The following NEXMIF variants were observed in gnomAD, a reference collection of about 807,000 sequenced individuals.
NEXMIF encodes neurite extension and migration factor.
A neutral mutation model predicts 62.1 loss-of-function variants in NEXMIF; 8 were observed. The observed-to-expected ratio is 0.13, with a 90% CI of 0.08 to 0.23. The LOEUF (loss-of-function observed/expected upper bound fraction) is 0.23. NEXMIF is among the 10% of genes least tolerant of loss of function. NEXMIF has a pLI of 1.00. For synonymous variants in NEXMIF, 404 were observed against 416.6 expected (o/e 0.97, Z 0.37); for missense variants, 976 against 1,113.3 (o/e 0.88, Z 1.75).
At chrX:74,885,861 A>C (rs2080690485) in intron 1 of NEXMIF, among the ~76,000 whole-genome samples, 1 of 111,874 alleles carries the variant, frequency 8.9e-6, no homozygotes, top group African/African-American at 3.3e-5. Context: ...AGAATTTTAG[A>C]CCAATATCCT....
Position 74,850,781 on chromosome X carries a change from GA to G in NEXMIF, c.-48+74101del, listed in dbSNP as rs1402400056. 1.8e-3 allele frequency among the ~76,000 whole-genome samples: 195 copies of G among 110,916 alleles called. 1 individual carries two copies. The highest frequency in any genetic ancestry group is 6.2e-3 in the African/African-American group (190 of 30,522). On this transcript the variant is annotated intron_variant, in intron 1 of 3. Coordinates refer to ENST00000055682, the MANE Select transcript of NEXMIF (RefSeq NM_001008537.3). ...AAGCAACTGGCACACCAGATGTGCAGATATCAATGGAGGGACACAAGAAACA... is the reference window on the plus strand; with the variant it reads ...AAGCAACTGGCACACCAGATGTGCAGTATCAATGGAGGGACACAAGAAACA...
Position 74,740,514 on chromosome X carries a change from T to C in NEXMIF, c.4043A>G (p.His1348Arg), listed in dbSNP as rs779047497. 2.6e-5 allele frequency: 32 copies of C among 1,209,520 alleles called. No individual in the cohort carries two copies. In the South Asian group the frequency reaches 5.1e-4, roughly 19 times the overall value. The change falls in exon 3 of 4, where the codon CAT becomes CGT. Residue 1348 changes from histidine (H) to arginine (R), a missense_variant. His to Arg is a conservative substitution (Grantham distance 29). Coordinates refer to ENST00000055682, the MANE Select transcript of NEXMIF (RefSeq NM_001008537.3). ...IEPLWEPMEH[H>R]GDPNIFYSPE... Reference sequence around the variant, plus strand: ...GGAGTAGAATATGTTGGGATCCCCATGGTGCTCCATGGGTTCCCAAAGGGG... The same window carrying C: ...GGAGTAGAATATGTTGGGATCCCCACGGTGCTCCATGGGTTCCCAAAGGGG...
intron 1 of NEXMIF, among the ~76,000 whole-genome samples, chrX:74,845,415 T>C (rs144671410): frequency 4.5e-5 from 5 of 112,075 alleles, no homozygotes; most frequent in Non-Finnish European, 7.5e-5. Context: ...ATATTCTATG[T>C]CTTTGTTTGG....
intron 1 of NEXMIF, among the ~76,000 whole-genome samples, chrX:74,830,875 T>C (rs1261142818): frequency 1.8e-5 from 2 of 112,112 alleles, no homozygotes; most frequent in Admixed American, 9.5e-5. Flanking sequence ...TATATAGAAA[T>C]GCTACTGATT....
chrX:74,919,954 C>T (rs1235356481), intron 1 of NEXMIF, among the ~76,000 whole-genome samples: 1 of 111,216 alleles, frequency 9.0e-6, no homozygotes, highest in African/African-American at 3.3e-5. Context: ...AGGACATGAA[C>T]TCATCATTTT....
chrX:74,778,004 C>T (rs2147457667), intron 1 of NEXMIF, among the ~76,000 whole-genome samples: 1 of 111,531 alleles, frequency 9.0e-6, no homozygotes, highest in East Asian at 2.8e-4. Context: ...CACCACAGCT[C>T]TGATTGGACA....
intron 1 of NEXMIF, among the ~76,000 whole-genome samples, chrX:74,855,963 G>T (rs2080533362): frequency 1.8e-5 from 2 of 112,074 alleles, no homozygotes; most frequent in Non-Finnish European, 3.8e-5. Context: ...AATCTGATTT[G>T]CAGATATGCT....
chrX:74,883,772 T>C (rs1191867466), intron 1 of NEXMIF, among the ~76,000 whole-genome samples: 1 of 111,124 alleles, frequency 9.0e-6, no homozygotes, highest in East Asian at 2.8e-4. Context: ...CAGGCCAACA[T>C]TCAAATACAG....
At chrX:74,817,918 CA>C (rs1170338227) in intron 1 of NEXMIF, among the ~76,000 whole-genome samples, 2 of 110,135 alleles carry the variant, frequency 1.8e-5, no homozygotes, top group Admixed American at 1.9e-4. Context: ...AAGATCTATA[CA>C]AAAAAATGAC....
intron 1 of NEXMIF, among the ~76,000 whole-genome samples, chrX:74,885,095 C>T (rs2080685399): frequency 9.1e-6 from 1 of 109,655 alleles, no homozygotes; most frequent in Admixed American, 9.7e-5. Flanking sequence ...TCTTTGAAAC[C>T]AACGAGAACA....
chrX:74,872,307 G>A (rs991468850), intron 1 of NEXMIF, among the ~76,000 whole-genome samples: 2 of 110,547 alleles, frequency 1.8e-5, no homozygotes, highest in Non-Finnish European at 3.8e-5. Context: ...ATTCTATTAA[G>A]TGAAATAAAC....
chrX:74,762,328 GTA>G (rs1447684926), intron 1 of NEXMIF, among the ~76,000 whole-genome samples: 1 of 111,396 alleles, frequency 9.0e-6, no homozygotes, highest in Non-Finnish European at 1.9e-5. Flanking sequence ...ATTCCATGGT[GTA>G]TATGTGCCAC....
rs911269612 is a variant in NEXMIF, at chrX:74,741,956, A to G, written c.2601T>C (p.Ser867=). 1 of 1,211,856 alleles carries G rather than the reference A, an allele frequency of 8.3e-7. No individual in the cohort carries two copies. Among genetic ancestry groups the G allele is most frequent in the Non-Finnish European group, 1.1e-6 (1 of 895,456 alleles). ...GAGATGACTGCTGCAGCTCAGAGTC[A>G]GAGGATGAGGTGAGCACACAGTCCT... is the stretch of plus-strand genomic sequence containing the variant. The part of the protein sequence containing the change: ...PTQDCVLTSS[S]DSELQQSSHN... Residue 867 remains serine, a synonymous_variant, in exon 3 of 4, where the codon TCT becomes TCC. Coordinates refer to ENST00000055682, the MANE Select transcript of NEXMIF (RefSeq NM_001008537.3).
chrX:74,901,243 CCTGT>C (rs942328664), intron 1 of NEXMIF, among the ~76,000 whole-genome samples: 8 of 111,615 alleles, frequency 7.2e-5, no homozygotes, highest in African/African-American at 2.6e-4. Context: ...GAGGTAGCTG[CCTGT>C]CTATGGATAT....
intron 1 of NEXMIF, among the ~76,000 whole-genome samples, chrX:74,857,996 C>T (rs762525701): frequency 8.9e-6 from 1 of 111,943 alleles, no homozygotes; most frequent in Non-Finnish European, 1.9e-5. Context: ...AGCTCAGCTG[C>T]AATATAATAG....
chrX:74,837,966 T>C (rs188623191), intron 1 of NEXMIF, among the ~76,000 whole-genome samples: 130 of 111,771 alleles, frequency 1.2e-3, no homozygotes, highest in African/African-American at 3.9e-3. Context: ...TGCATGCATG[T>C]GTGTCTTTTA....
At chrX:74,924,504 C>A (rs886736871) in intron 1 of NEXMIF, among the ~76,000 whole-genome samples, 2 of 113,297 alleles carry the variant, frequency 1.8e-5, no homozygotes, top group Non-Finnish European at 3.7e-5. Context: ...CATGCCCATG[C>A]CCCATTCCCT....
intron 1 of NEXMIF, among the ~76,000 whole-genome samples, chrX:74,880,556 C>A (rs2080658788): frequency 8.9e-6 from 1 of 111,838 alleles, no homozygotes; most frequent in Admixed American, 9.5e-5. Flanking sequence ...TACTTTAGGG[C>A]CACAATGAAT....
intron 1 of NEXMIF, among the ~76,000 whole-genome samples, chrX:74,823,665 AAGAG>A (rs1251205362): frequency 7.6e-5 from 8 of 105,630 alleles, no homozygotes; most frequent in South Asian, 4.4e-4. Flanking sequence ...AAAGGAGAGA[AAGAG>A]AGAGAAGCAG....
Sources: gnomAD v4.1 joint callset for allele counts (sites outside exome capture counted in the v4.1 genomes callset) on GRCh38, gnomAD v4.1.1 for gene constraint, MANE v1.5 for transcripts, NCBI Gene and HGNC (gene_info 2026-07-23, HGNC 2026-07-21) for gene names.